The following CLCN3 variants were observed in gnomAD, a reference collection of about 807,000 sequenced individuals.
CLCN3 encodes Cl-/H+ antiporter 3, also known as H(+)/Cl(-) exchange transporter 3.
In CLCN3, 16 loss-of-function variants were observed where a neutral mutation model predicts 83.4. The observed-to-expected ratio is 0.19, with a 90% CI of 0.13 to 0.29. The LOEUF is 0.29. Ranked by LOEUF, CLCN3 falls within the 10% of genes least tolerant of loss-of-function variation. CLCN3 has a pLI of 1.00. For missense variants in CLCN3, 544 were observed against 1,006.0 expected, an observed-to-expected ratio of 0.54 and a Z score of 6.21; for synonymous variants, 322 against 346.2, an observed-to-expected ratio of 0.93 and a Z score of 0.78.
At chr4:169,641,668 A>C (rs979731298) in intron 2 of CLCN3, among the ~76,000 whole-genome samples, 2 of 152,204 alleles carry the variant, frequency 1.3e-5, no homozygotes, top group African/African-American at 4.8e-5. Context: ...TCAAAAGAAG[A>C]AGCTTGGCAA....
intron 3 of CLCN3, among the ~76,000 whole-genome samples, chr4:169,682,020 TACTAC>T (rs1448321005): frequency 3.9e-5 from 6 of 152,222 alleles, no homozygotes; most frequent in Non-Finnish European, 8.8e-5. Flanking sequence ...TCTTCTTTGA[TACTAC>T]ACTAAAGTGA....
chr4:169,692,345 G>A (rs753870376), intron 7 of CLCN3, 25 bp downstream of exon 7: 8 of 1,265,838 alleles, frequency 6.3e-6, no homozygotes, highest in Admixed American at 3.6e-5. Context: ...TAGTTAATTT[G>A]ACTGAAAAAT....
At chr4:169,625,250 A>C (rs567905052) in intron 1 of CLCN3, among the ~76,000 whole-genome samples, 1 of 152,136 alleles carries the variant, frequency 6.6e-6, no homozygotes, top group Non-Finnish European at 1.5e-5. Context: ...GACATTGACA[A>C]TCTTTTTCTT....
chr4:169,644,320 C>T (rs927861732), intron 2 of CLCN3, among the ~76,000 whole-genome samples: 1 of 149,994 alleles, frequency 6.7e-6, no homozygotes, highest in Admixed American at 6.7e-5. Flanking sequence ...GGCCGGAGCA[C>T]GATCTTGGCT....
intron 1 of CLCN3, among the ~76,000 whole-genome samples, chr4:169,622,310 T>A (rs1292729588): frequency 6.6e-6 from 1 of 152,164 alleles, no homozygotes; most frequent in Non-Finnish European, 1.5e-5. Flanking sequence ...TTTGTTGATG[T>A]TGTGGGTTTG....
intron 1 of CLCN3, among the ~76,000 whole-genome samples, chr4:169,630,289 G>T (rs7695890): frequency 0.97 from 147,808 of 152,262 alleles, 71,886 homozygotes; most frequent in East Asian, 1. Context: ...TCCCTACATT[G>T]CCCGCGCTGG....
chr4:169,644,168 A>G (rs1581200205), intron 2 of CLCN3, among the ~76,000 whole-genome samples: 1 of 152,246 alleles, frequency 6.6e-6, no homozygotes, highest in African/African-American at 2.4e-5. Context: ...ATTTAATAAA[A>G]TGAATACTTA....
rs77259944 is a variant in CLCN3, at chr4:169,627,001, C to T, written c.-17+5938C>T. ...GCTTCTCTATCTGTAGTCCTTCAGT[C>T]TCTTACCCTTCTTATCTGGCTTTCA... is the stretch of plus-strand genomic sequence containing the variant. On this transcript the variant is annotated intron_variant, in intron 1 of 12. Transcript: ENST00000513761. Among the ~76,000 whole-genome samples the T allele has an allele frequency of 6.0e-4, 92 of 152,258 alleles. 4 individuals are homozygous for T. In the East Asian group the frequency reaches 0.013, roughly 21 times the overall value.
At chr4:169,689,584 A>G (rs1292114600) in intron 5 of CLCN3, among the ~76,000 whole-genome samples, 1 of 152,226 alleles carries the variant, frequency 6.6e-6, no homozygotes, top group Admixed American at 6.5e-5. Flanking sequence ...TGAAAGTATT[A>G]TCAAATAATT....
At chr4:169,680,452 A>T (rs1731892827) in intron 3 of CLCN3, 1 of 362,490 alleles carries the variant, frequency 2.8e-6, no homozygotes, top group African/African-American at 2.1e-5. Flanking sequence ...TAAGAAGACA[A>T]AATAAGAAGG....
intron 2 of CLCN3, among the ~76,000 whole-genome samples, chr4:169,678,959 A>AGG (rs1731794086): frequency 6.6e-6 from 1 of 152,192 alleles, no homozygotes; most frequent in Non-Finnish European, 1.5e-5. Context: ...GGCCAGGCAG[A>AGG]GGGGCTCCTC....
chr4:169,654,949 C>G (rs1348055088), intron 2 of CLCN3, among the ~76,000 whole-genome samples: 1 of 152,142 alleles, frequency 6.6e-6, no homozygotes, highest in East Asian at 1.9e-4. Context: ...AAAATTTTCA[C>G]TGTATTTGCA....
At chr4:169,715,496 T>G (rs1362185757) in intron 12 of CLCN3, among the ~76,000 whole-genome samples, 1 of 152,088 alleles carries the variant, frequency 6.6e-6, no homozygotes, top group Non-Finnish European at 1.5e-5. Context: ...AGTCGGGTGT[T>G]TTTTTTCTCA....
intron 2 of CLCN3, among the ~76,000 whole-genome samples, chr4:169,651,162 G>C (rs987127651): frequency 3.9e-5 from 6 of 151,986 alleles, no homozygotes; most frequent in Non-Finnish European, 5.9e-5. Flanking sequence ...TATTGTCATT[G>C]CATTGCAAAA....
At chr4:169,669,474 G>C (rs1393709865) in intron 2 of CLCN3, among the ~76,000 whole-genome samples, 1 of 152,048 alleles carries the variant, frequency 6.6e-6, no homozygotes, top group East Asian at 1.9e-4. Context: ...AGGTGGCAGA[G>C]CAAGACCCCA....
At chr4:169,628,622 G>A (rs1773292905) in intron 1 of CLCN3, among the ~76,000 whole-genome samples, 1 of 152,134 alleles carries the variant, frequency 6.6e-6, no homozygotes, top group Non-Finnish European at 1.5e-5. Context: ...TATCAGAATA[G>A]CTAAAATAAG....
chr4:169,700,027 C>T (rs1448732264), intron 9 of CLCN3, among the ~76,000 whole-genome samples: 1 of 152,180 alleles, frequency 6.6e-6, no homozygotes, highest in Non-Finnish European at 1.5e-5. Context: ...AACTTTCTCA[C>T]AGTCAGTTGA....
At chr4:169,712,996 A>T (rs969444569) in intron 11 of CLCN3, 83 bp from the exon 12 acceptor site, 2 of 1,009,848 alleles carry the variant, frequency 2.0e-6, no homozygotes, top group African/African-American at 1.6e-5. Flanking sequence ...GGATACATTA[A>T]TTTTTTTTAT....
At chr4:169,704,583 G>A (rs886398477) in intron 10 of CLCN3, among the ~76,000 whole-genome samples, 2 of 152,128 alleles carry the variant, frequency 1.3e-5, no homozygotes, top group Admixed American at 1.3e-4. Context: ...TTTCAGAGTA[G>A]GTTTACTTTG....
Sources: gnomAD v4.1 joint callset for allele counts (sites outside exome capture counted in the v4.1 genomes callset) on GRCh38, gnomAD v4.1.1 for gene constraint, MANE v1.5 for transcripts, NCBI Gene and HGNC (gene_info 2026-07-23, HGNC 2026-07-21) for gene names.